The following PIEZO2 variants were observed in gnomAD, a reference collection of about 807,000 sequenced individuals.
PIEZO2 encodes the protein piezo-type mechanosensitive ion channel component 2.
Under a neutral mutation model 337.3 loss-of-function variants are expected in PIEZO2, and 172 were observed. The observed-to-expected ratio is 0.51, with a 90% CI of 0.45 to 0.58. The LOEUF is 0.58. Among genes scored for constraint, PIEZO2 ranks in the 20% least tolerant of loss-of-function variants. PIEZO2 has a pLI of 0.00. For missense variants in PIEZO2, 3,028 were observed against 3,391.3 expected, an observed-to-expected ratio of 0.89 and a Z score of 2.66; for synonymous variants, 1,251 against 1,228.5, an observed-to-expected ratio of 1.02 and a Z score of -0.38.
At chr18:10,829,064 T>C (rs1473450244) in intron 7 of PIEZO2, among the ~76,000 whole-genome samples, 4 of 152,230 alleles carry the variant, frequency 2.6e-5, no homozygotes, top group African/African-American at 9.6e-5. Context: ...TTCCTTCACA[T>C]GACTTATTGC....
intron 35 of PIEZO2, among the ~76,000 whole-genome samples, chr18:10,733,574 G>A (rs370820785): frequency 3.0e-4 from 45 of 150,848 alleles, no homozygotes; most frequent in African/African-American, 9.8e-4. Context: ...TCAGCCTCCC[G>A]AGTAGCTGGG....
intron 3 of PIEZO2, among the ~76,000 whole-genome samples, chr18:10,957,877 A>G (rs2033609551): frequency 6.6e-6 from 1 of 152,252 alleles, no homozygotes; most frequent in Non-Finnish European, 1.5e-5. Flanking sequence ...CATTTCTCAG[A>G]AGAGATGTGA....
chr18:10,695,093 T>C (rs1395727884), intron 47 of PIEZO2, among the ~76,000 whole-genome samples: 1 of 152,238 alleles, frequency 6.6e-6, no homozygotes. Flanking sequence ...TTTTCTTTCA[T>C]AACCTGACAA....
intron 2 of PIEZO2, among the ~76,000 whole-genome samples, chr18:11,000,058 A>G (rs2035474590): frequency 6.6e-6 from 1 of 152,246 alleles, no homozygotes; most frequent in African/African-American, 2.4e-5. Context: ...TCCATTGGAA[A>G]TCTCATTCAA....
chr18:10,752,918 AAAAC>A (rs1447128857), intron 27 of PIEZO2, 39 bp from the exon 28 acceptor site: 26 of 1,508,638 alleles, frequency 1.7e-5, no homozygotes, highest in Non-Finnish European at 2.3e-5. Context: ...CAACAACAAC[AAAAC>A]AAACAAAAGC....
At position 11,126,735 on chromosome 18, in the gene PIEZO2, T is replaced by A. The variant is rs2040194181; in HGVS notation, c.64+21790A>T. Among the ~76,000 whole-genome samples, 2 of 152,196 alleles carry A rather than the reference T, an allele frequency of 1.3e-5. No individual in the cohort carries two copies. The highest frequency in any genetic ancestry group is 4.1e-4 in the South Asian group (2 of 4,828). ...CAACATCACAATAATAATTTACATT[T>A]ATTAGATGCTTACTATATGCCAGGT... On this transcript the variant is annotated intron_variant, in intron 1 of 55. Transcript: ENST00000674853. This position sits in a 1 kb window ranked among gnomAD's most constrained non-coding sequence, Gnocchi z 4.6.
At chr18:10,866,731 G>C (rs1389103033) in intron 5 of PIEZO2, among the ~76,000 whole-genome samples, 1 of 152,152 alleles carries the variant, frequency 6.6e-6, no homozygotes, top group Non-Finnish European at 1.5e-5. Context: ...GGGGAATAAA[G>C]TCAGTCATGG....
chr18:11,098,741 T>C (rs2039327705), intron 1 of PIEZO2, among the ~76,000 whole-genome samples: 2 of 151,896 alleles, frequency 1.3e-5, no homozygotes, highest in South Asian at 4.2e-4. Context: ...ATTTACTATA[T>C]CAGTACATAC....
chr18:11,139,527 T>C (rs2040582033), intron 1 of PIEZO2, among the ~76,000 whole-genome samples: 1 of 152,122 alleles, frequency 6.6e-6, no homozygotes, highest in Admixed American at 6.5e-5. Context: ...GTACCCACAA[T>C]GTAAATACTC....
intron 2 of PIEZO2, among the ~76,000 whole-genome samples, chr18:11,050,804 A>AT (rs200918963): frequency 0.021 from 3,204 of 151,218 alleles, 38 homozygotes; most frequent in Middle Eastern, 0.062. Context: ...ATATATATAT[A>AT]AAATTAATAA....
chr18:10,781,787 G>A lies in PIEZO2; in HGVS notation c.2493-1421C>T, dbSNP rs2038992340. Among the ~76,000 whole-genome samples, 1 of 152,032 alleles carries A rather than the reference G, an allele frequency of 6.6e-6. No homozygotes were observed. Among genetic ancestry groups the A allele is most frequent in the African/African-American group, 2.4e-5 (1 of 41,408 alleles). ...TATACACCAACAAGTGACACAACAG[G>A]AAAATAAGAGTTGCATATCTCCAGA... On this transcript the variant is annotated intron_variant, in intron 17 of 55. Transcript: ENST00000674853. The surrounding 1 kb of genome is among the most constrained non-coding windows in gnomAD (Gnocchi z 4.1).
rs950886264 is a variant in PIEZO2, at chr18:10,993,751, T to C, written c.161-14091A>G. Among the ~76,000 whole-genome samples the C allele has an allele frequency of 1.3e-5, 2 of 152,158 alleles. No individual in the cohort carries two copies. The highest frequency in any genetic ancestry group is 4.8e-5 in the African/African-American group (2 of 41,434). On this transcript the variant is annotated intron_variant, in intron 2 of 55. Transcript: ENST00000674853. This position sits in a 1 kb window ranked among gnomAD's most constrained non-coding sequence, Gnocchi z 5.0. ...ACCATGTTAGCCAGGATGGTCTCGA[T>C]CTCCTGACTTCGTGATCTGCCCGCT...
intron 1 of PIEZO2, among the ~76,000 whole-genome samples, chr18:11,123,496 T>C (rs950058322): frequency 2.0e-5 from 3 of 152,192 alleles, no homozygotes; most frequent in African/African-American, 7.2e-5. Flanking sequence ...TATTTAGGGA[T>C]GAATCCTTTC....
chr18:11,090,686 C>T (rs188073845), intron 1 of PIEZO2, among the ~76,000 whole-genome samples: 2 of 152,204 alleles, frequency 1.3e-5, no homozygotes, highest in East Asian at 1.9e-4. Context: ...AAGAGAAGGG[C>T]GATTCACGAG....
intron 1 of PIEZO2, among the ~76,000 whole-genome samples, chr18:11,133,144 T>C (rs1385126971): frequency 1.3e-5 from 2 of 152,248 alleles, no homozygotes; most frequent in African/African-American, 4.8e-5. Flanking sequence ...AAAAACATGT[T>C]TGTGCATGTA....
chr18:11,122,110 T>C (rs755808712), intron 1 of PIEZO2, among the ~76,000 whole-genome samples: 51 of 152,120 alleles, frequency 3.4e-4, no homozygotes, highest in Admixed American at 7.9e-4. Flanking sequence ...CCTGCCACCA[T>C]GCCCAGCTAA....
intron 2 of PIEZO2, among the ~76,000 whole-genome samples, chr18:11,024,552 A>G (rs1482670383): frequency 9.3e-5 from 14 of 150,202 alleles, no homozygotes; most frequent in African/African-American, 2.9e-4. Flanking sequence ...TCTCAGAAAA[A>G]AAAAAAAAAA....
intron 36 of PIEZO2, chr18:10,725,564 CCT>C (rs1028849229): frequency 2.2e-6 from 3 of 1,366,800 alleles, no homozygotes; most frequent in Non-Finnish European, 2.0e-6. Flanking sequence ...TTGTTTCTCC[CCT>C]GTCCCTCCTG....
chr18:10,932,077 G>A (rs939848600), intron 3 of PIEZO2, among the ~76,000 whole-genome samples: 17 of 152,130 alleles, frequency 1.1e-4, no homozygotes, highest in African/African-American at 4.1e-4. Flanking sequence ...ATTGTATTAG[G>A]TTCTAAGTTG....
Sources: gnomAD v4.1 joint callset for allele counts (sites outside exome capture counted in the v4.1 genomes callset) on GRCh38, gnomAD v4.1.1 for gene constraint, Gnocchi (gnomAD v3.1) non-coding constraint, MANE v1.5 for transcripts, NCBI Gene and HGNC (gene_info 2026-07-23, HGNC 2026-07-21) for gene names.